NOL4: variants seen among roughly 807,000 people sequenced by gnomAD.
The protein encoded by NOL4 is nucleolar protein 4.
A neutral mutation model predicts 75.9 loss-of-function variants in NOL4; 17 were observed. The ratio of observed to expected loss-of-function variants is 0.22; its 90% CI spans 0.15 to 0.34. The LOEUF (loss-of-function observed/expected upper bound fraction) is 0.34, where lower values mean the gene tolerates loss of function less well. Among genes scored for constraint, NOL4 ranks in the 10% least tolerant of loss-of-function variants. The pLI is 1.00. For synonymous variants in NOL4, 292 were observed against 289.9 expected, an observed-to-expected ratio of 1.01 and a Z score of -0.07; for missense variants, 614 against 793.5, an observed-to-expected ratio of 0.77 and a Z score of 2.72.
At position 34,105,152 on chromosome 18, in the gene NOL4, CTCTGAAA is replaced by C; in HGVS notation, c.416_422del (p.Ile139ArgfsTer11). ...CTTCTCTTGGTAGGAAGGCATAGCT[CTCTGAAA>C]TCTGAAATGATTCACAAAATACAGG... On this transcript the variant is annotated frameshift_variant and splice_region_variant, in exon 3 of 11. Coordinates refer to ENST00000261592, the MANE Select transcript of NOL4 (RefSeq NM_003787.5). LOFTEE classifies it high-confidence loss of function. The C allele has an allele frequency of 6.2e-7, 1 of 1,604,286 alleles. No individual in the cohort carries two copies. The highest frequency in any genetic ancestry group is 8.5e-7 in the Non-Finnish European group (1 of 1,171,560).
chr18:34,071,440 C>CACAG (rs2077514444), intron 5 of NOL4, among the ~76,000 whole-genome samples: 1 of 149,178 alleles, frequency 6.7e-6, no homozygotes, highest in Non-Finnish European at 1.5e-5. Flanking sequence ...GACAGACAGA[C>CACAG]ACACACACAC....
chr18:33,876,638 T>G (rs999223559), intron 10 of NOL4, among the ~76,000 whole-genome samples: 2 of 152,110 alleles, frequency 1.3e-5, no homozygotes, highest in Non-Finnish European at 2.9e-5. Context: ...ACTATTTTGA[T>G]GTCTTAAAGA....
At chr18:34,051,417 T>C (rs943975524) in intron 5 of NOL4, among the ~76,000 whole-genome samples, 2 of 152,130 alleles carry the variant, frequency 1.3e-5, no homozygotes, top group Non-Finnish European at 2.9e-5. Flanking sequence ...ATTTTAAATA[T>C]TTCTTGTTCT....
Sources: allele counts gnomAD v4.1 joint callset (sites outside exome capture counted in the v4.1 genomes callset), GRCh38; gene constraint gnomAD v4.1.1; transcripts MANE v1.5; gene names NCBI Gene and HGNC (gene_info 2026-07-23, HGNC 2026-07-21).